Variants in COL4A3 observed in about 807,000 individuals in gnomAD.
COL4A3 encodes the protein collagen alpha-3(IV) chain.
In COL4A3, 135 loss-of-function variants were observed where a neutral mutation model predicts 217.4. That is an observed-to-expected ratio of 0.62 (90% CI 0.54 to 0.72). COL4A3 has a LOEUF of 0.72. Among genes scored for constraint, COL4A3 ranks in the 30% least tolerant of loss-of-function variants. The probability of loss-of-function intolerance (pLI) is 0.00; values close to 1 mark genes in which losing one functional copy is unlikely to be tolerated. For missense variants in COL4A3, 1,868 were observed against 2,119.9 expected (o/e 0.88, Z 2.33); for synonymous variants, 690 against 736.3 (o/e 0.94, Z 1.02).
chr2:227,284,003 C>T lies in COL4A3; in HGVS notation c.2746+147C>T, dbSNP rs74469238. On this transcript the variant is annotated intron_variant, in intron 33 of 51. Transcript: ENST00000396578. ...TTTTGCTGTTTTCTATGTTCCTTTT[C>T]TCCATTTGAATGGAATCCTGTTTTC... 1,279 of 975,526 alleles carry T rather than the reference C, an allele frequency of 1.3e-3. 17 individuals are homozygous for T. In the African/African-American group the frequency reaches 0.019, roughly 14 times the overall value. 60.4% of individuals were successfully genotyped at this position (975,526 alleles called of 1,614,324 possible).
At chr2:227,177,942 AG>A (rs2065739224) in intron 1 of COL4A3, among the ~76,000 whole-genome samples, 2 of 152,256 alleles carry the variant, frequency 1.3e-5, no homozygotes, top group African/African-American at 4.8e-5. Context: ...GGAAATGCCA[AG>A]GAAAAGCCAT....
intron 1 of COL4A3, among the ~76,000 whole-genome samples, chr2:227,233,584 A>G (rs906861357): frequency 2.0e-5 from 3 of 152,258 alleles, no homozygotes; most frequent in Admixed American, 6.5e-5. Flanking sequence ...GCTATCATAT[A>G]GAAATTCTAC....
chr2:227,205,708 A>ATTTTT (rs1429611680), intron 1 of COL4A3, among the ~76,000 whole-genome samples: 11 of 123,578 alleles, frequency 8.9e-5, no homozygotes, highest in African/African-American at 9.5e-5. Flanking sequence ...AATTCAACAA[A>ATTTTT]TATTTTTTTT....
At chr2:227,285,995 T>C (rs1574792229) in intron 34 of COL4A3, among the ~76,000 whole-genome samples, 1 of 152,318 alleles carries the variant, frequency 6.6e-6, no homozygotes, top group East Asian at 1.9e-4. Flanking sequence ...AGATATTGAA[T>C]ATACAGAGAA....
intron 1 of COL4A3, among the ~76,000 whole-genome samples, chr2:227,186,317 A>G (rs999821146): frequency 3.3e-5 from 5 of 152,230 alleles, no homozygotes; most frequent in African/African-American, 1.2e-4. Flanking sequence ...TGTGATAATG[A>G]TGAGTGTCCA....
At chr2:227,287,656 C>G (rs965076374) in intron 34 of COL4A3, among the ~76,000 whole-genome samples, 5 of 152,322 alleles carry the variant, frequency 3.3e-5, no homozygotes, top group Admixed American at 1.3e-4. Flanking sequence ...TTTCTACATG[C>G]TATTTTACTC....
chr2:227,215,498 G>A (rs1015772552), intron 1 of COL4A3, among the ~76,000 whole-genome samples: 4 of 152,002 alleles, frequency 2.6e-5, no homozygotes, highest in Admixed American at 2.0e-4. Context: ...TCGCTCTGTC[G>A]CCCAGGCTGG....
intron 1 of COL4A3, among the ~76,000 whole-genome samples, chr2:227,225,639 T>C (rs1402256847): frequency 6.7e-6 from 1 of 149,556 alleles, no homozygotes; most frequent in Admixed American, 6.7e-5. Flanking sequence ...AGGTAGAGAT[T>C]TTTTTTTTTA....
At chr2:227,189,611 T>C (rs2066154621) in intron 1 of COL4A3, among the ~76,000 whole-genome samples, 1 of 152,218 alleles carries the variant, frequency 6.6e-6, no homozygotes, top group Admixed American at 6.5e-5. Flanking sequence ...TAGTATGCAT[T>C]TCTTTTATCA....
At position 227,283,791 on chromosome 2, in the gene COL4A3, T is replaced by C. The variant is rs778240614; in HGVS notation, c.2681T>C (p.Met894Thr). 4 of 1,614,090 alleles carry C rather than the reference T, an allele frequency of 2.5e-6. No homozygotes were observed. Among genetic ancestry groups the C allele is most frequent in the Non-Finnish European group, 3.4e-6 (4 of 1,180,026 alleles). Reference sequence around the variant, plus strand: ...GGTGAAGATGGAGTGATTGGGATGATGGGCTTTCCTGGAGCCATTGGCCCT... The same window carrying C: ...GGTGAAGATGGAGTGATTGGGATGACGGGCTTTCCTGGAGCCATTGGCCCT... ...PPGEDGVIGM[M>T]GFPGAIGPPG... Residue 894 changes from methionine (M) to threonine (T), a missense_variant, in exon 33 of 52, where the codon ATG becomes ACG. Met to Thr is a moderately conservative substitution (Grantham distance 81, BLOSUM62 -1). Coordinates refer to ENST00000396578, the MANE Select transcript of COL4A3 (RefSeq NM_000091.5).
chr2:227,229,885 A>G (rs904530989), intron 1 of COL4A3, among the ~76,000 whole-genome samples: 8 of 70,686 alleles, frequency 1.1e-4, no homozygotes, highest in African/African-American at 4.2e-4. Flanking sequence ...TGTGTCTACT[A>G]AAAAAAATAC....
chr2:227,230,427 A>C (rs1338133859), intron 1 of COL4A3, among the ~76,000 whole-genome samples: 1 of 152,180 alleles, frequency 6.6e-6, no homozygotes, highest in East Asian at 1.9e-4. Context: ...GATATGAGGA[A>C]ACTATGGGGT....
intron 1 of COL4A3, among the ~76,000 whole-genome samples, chr2:227,225,978 C>T (rs1265780192): frequency 6.6e-6 from 1 of 152,116 alleles, no homozygotes; most frequent in Non-Finnish European, 1.5e-5. Flanking sequence ...TCCCAAAGTG[C>T]TGGGATTACA....
rs931406807 is a variant in COL4A3, at chr2:227,164,933, A to T, written c.87+120A>T. The T allele has an allele frequency of 1.6e-5, 20 of 1,222,348 alleles. No individual in the cohort carries two copies. Among genetic ancestry groups the T allele is most frequent in the Non-Finnish European group, 2.0e-5 (19 of 927,062 alleles). The allele number at this position is 1,222,348 out of a possible 1,614,324, so 75.7% of individuals were successfully genotyped here. ...TGGAGCGGCTGCCGGGCTAGTGGCG[A>T]GGCTGAGGGCTTCACGCAGGTCCCG... On this transcript the variant is annotated intron_variant, in intron 1 of 51. Coordinates refer to ENST00000396578, the MANE Select transcript of COL4A3 (RefSeq NM_000091.5). This position sits in a 1 kb window ranked among gnomAD's most constrained non-coding sequence, Gnocchi z 4.8.
At chr2:227,170,420 G>A (rs1408054320) in intron 1 of COL4A3, among the ~76,000 whole-genome samples, 2 of 151,950 alleles carry the variant, frequency 1.3e-5, no homozygotes, top group African/African-American at 2.4e-5. Context: ...ACAGTTCTAC[G>A]TGGCTGGGGA....
intron 32 of COL4A3, among the ~76,000 whole-genome samples, 186 bp from the exon 33 acceptor site, chr2:227,283,581 A>G (rs2106170150): frequency 6.6e-6 from 1 of 152,400 alleles, no homozygotes; most frequent in Middle Eastern, 3.4e-3. Context: ...ACTTCCACAT[A>G]GGTGAGTTTA....
chr2:227,302,289 T>A (rs1032743088), intron 43 of COL4A3, among the ~76,000 whole-genome samples: 1 of 152,204 alleles, frequency 6.6e-6, no homozygotes, highest in African/African-American at 2.4e-5. Flanking sequence ...CAAGTGTAAT[T>A]TATGGCTCTG....
intron 1 of COL4A3, among the ~76,000 whole-genome samples, chr2:227,169,893 C>T (rs1026777457): frequency 6.6e-6 from 1 of 152,150 alleles, no homozygotes; most frequent in Non-Finnish European, 1.5e-5. Context: ...ACCAATACCA[C>T]ACTGTTTTGA....
At chr2:227,194,141 G>C (rs2066377648) in intron 1 of COL4A3, among the ~76,000 whole-genome samples, 1 of 152,104 alleles carries the variant, frequency 6.6e-6, no homozygotes, top group Admixed American at 6.6e-5. Flanking sequence ...GTTCCAAAGA[G>C]TCTTCTGAAG....
Sources: allele counts gnomAD v4.1 joint callset (sites outside exome capture counted in the v4.1 genomes callset), GRCh38; gene constraint gnomAD v4.1.1; non-coding constraint Gnocchi (gnomAD v3.1); transcripts MANE v1.5; gene names NCBI Gene and HGNC (gene_info 2026-07-23, HGNC 2026-07-21).